PAICS: variants seen among roughly 807,000 people sequenced by gnomAD.
PAICS encodes the protein phosphoribosylaminoimidazole carboxylase and phosphoribosylaminoimidazolesuccinocarboxamide synthase, also known as bifunctional phosphoribosylaminoimidazole carboxylase/phosphoribosylaminoimidazole succinocarboxamide synthetase.
Under a neutral mutation model 53.7 loss-of-function variants are expected in PAICS, and 33 were observed. That is an observed-to-expected ratio of 0.61 (90% confidence interval 0.47 to 0.82). PAICS has a LOEUF of 0.82. Ranked by LOEUF, PAICS falls within the 40% of genes least tolerant of loss-of-function variation. The pLI is 0.00. For missense variants in PAICS, 394 were observed against 494.1 expected (o/e 0.80, Z 1.92); for synonymous variants, 141 against 167.2 (o/e 0.84, Z 1.21).
In PAICS at chr4:56,450,767, A is replaced by C. The variant is rs1718868002; in HGVS notation, c.771+65A>C. On this transcript the variant is annotated intron_variant, in intron 6 of 8. Transcript: ENST00000512576. The stretch of plus-strand genomic sequence containing the variant: ...TTCTTCTAAGAAAATCTTGTTTCAA[A>C]AGAAAAAAAAATGGGAGAGTATAGT... 13 of 839,694 alleles carry C rather than the reference A, an allele frequency of 1.5e-5. No homozygotes were observed. In the South Asian group the frequency reaches 1.8e-4, roughly 12 times the overall value. 52.0% of individuals were successfully genotyped at this position (839,694 alleles called of 1,614,324 possible).
chr4:56,419,805 C>A, the PAICS span: 1 of 984,586 alleles, frequency 1.0e-6, no homozygotes, highest in Non-Finnish European at 1.2e-6. Flanking sequence ...TGCAGCCAAG[C>A]TTCAGAAATT....
At chr4:56,442,727 C>T (rs189380054) in intron 2 of PAICS, among the ~76,000 whole-genome samples, 1 of 152,212 alleles carries the variant, frequency 6.6e-6, no homozygotes, top group East Asian at 1.9e-4. Context: ...CCAATATTCC[C>T]AGTTGCCCTT....
upstream of PAICS, chr4:56,436,093 G>C (rs1717920774): frequency 6.8e-7 from 1 of 1,478,616 alleles, no homozygotes; most frequent in Admixed American, 2.4e-5. Context: ...GCGCCTGCGC[G>C]GCGGGAAGCC....
At chr4:56,452,551 A>G (rs927009886) in intron 7 of PAICS, among the ~76,000 whole-genome samples, 1 of 152,228 alleles carries the variant, frequency 6.6e-6, no homozygotes, top group Non-Finnish European at 1.5e-5. Flanking sequence ...GCAGGGAGAA[A>G]TAATTAAAAA....
intron 8 of PAICS, among the ~76,000 whole-genome samples, chr4:56,458,598 T>C (rs541650490): frequency 1.9e-4 from 29 of 152,354 alleles, no homozygotes; most frequent in African/African-American, 6.5e-4. Flanking sequence ...AATAACGTAT[T>C]AATACAAATT....
chr4:56,419,222 C>T, the PAICS span, among the ~76,000 whole-genome samples: 1 of 152,054 alleles, frequency 6.6e-6, no homozygotes, highest in South Asian at 2.1e-4. Context: ...TATCCTATTT[C>T]AAAACAAATT....
At chr4:56,449,223 C>T (rs1718775181) in intron 5 of PAICS, among the ~76,000 whole-genome samples, 1 of 152,128 alleles carries the variant, frequency 6.6e-6, no homozygotes, top group Admixed American at 6.5e-5. Context: ...ACAACAGACA[C>T]TTCTCAAAAG....
chr4:56,442,103 C>G (rs2110083287), intron 2 of PAICS: 2 of 410,112 alleles, frequency 4.9e-6, no homozygotes, highest in South Asian at 9.1e-5. Flanking sequence ...GGCACATGCA[C>G]TCTCTGTGCA....
rs970297162 is a variant in PAICS, at chr4:56,452,187, C to CT, written c.952+144dup. On this transcript the variant is annotated intron_variant, in intron 7 of 8. Transcript: ENST00000512576. ...AAAAACACATGATATACTAGGCTTT[C>CT]TTTTTTTTTGAGATGGAGTCTCACT... 9.8e-4 allele frequency: 583 copies of CT among 595,564 alleles called. 1 individual carries two copies. Among genetic ancestry groups the CT allele is most frequent in the South Asian group, 1.6e-3 (66 of 40,846 alleles). 36.9% of individuals were successfully genotyped at this position (595,564 alleles called of 1,614,324 possible).
intron 6 of PAICS, chr4:56,451,176 A>G (rs1448449455): frequency 6.5e-6 from 1 of 154,776 alleles, no homozygotes; most frequent in Non-Finnish European, 1.4e-5. Context: ...GGCTATCCTT[A>G]CTAGGATACT....
chr4:56,431,103 TTAAAA>T (rs552118802), upstream of PAICS, among the ~76,000 whole-genome samples: 1,189 of 152,270 alleles, frequency 7.8e-3, 9 homozygotes, highest in Middle Eastern at 0.017. Flanking sequence ...GCAAGGACAC[TTAAAA>T]TAAGTCACTC....
Position 56,448,709 on chromosome 4 carries a change from G to C in PAICS, c.574-1G>C. 1 of 1,567,006 alleles carries C rather than the reference G, an allele frequency of 6.4e-7. No individual in the cohort carries two copies. The highest frequency in any genetic ancestry group is 8.7e-7 in the Non-Finnish European group (1 of 1,146,226). On this transcript the variant is annotated splice_acceptor_variant, in intron 4 of 8. Coordinates refer to ENST00000512576, the MANE Select transcript of PAICS (RefSeq NM_001079524.2). LOFTEE classifies it high-confidence loss of function. ...AAACTTTGTTGACATGCTGTTTCCA[G>C]ATTGAATTTGGTGTTGATGTAACCA... is the stretch of plus-strand genomic sequence containing the variant.
intron 3 of PAICS, among the ~76,000 whole-genome samples, chr4:56,447,573 G>C (rs1332764421): frequency 6.6e-6 from 1 of 152,114 alleles, no homozygotes; most frequent in African/African-American, 2.4e-5. Flanking sequence ...TATGAGAACG[G>C]TGGTTTTGGA....
At chr4:56,436,189 G>A, upstream of PAICS, 1 of 1,514,202 alleles carries the variant, frequency 6.6e-7, no homozygotes, top group Non-Finnish European at 8.9e-7. Flanking sequence ...AGCTCGAAAA[G>A]AGTGGCGCAG....
the PAICS span, among the ~76,000 whole-genome samples, chr4:56,419,034 C>T: frequency 1.3e-5 from 2 of 152,194 alleles, no homozygotes; most frequent in Admixed American, 6.5e-5. Context: ...CTTCCAAGCC[C>T]TCAGCTCATG....
chr4:56,433,819 G>T (rs1028414514), upstream of PAICS, among the ~76,000 whole-genome samples: 2 of 151,714 alleles, frequency 1.3e-5, no homozygotes, highest in Admixed American at 6.6e-5. Flanking sequence ...CTCAGCCTCC[G>T]GAGTAGCTAG....
Position 56,441,712 on chromosome 4 carries a change from C to G in PAICS, c.66C>G (p.Tyr22Ter). ...KLYEGKTKEV[Y>*]ELLDSPGKVL... ...ATGAGGGTAAAACAAAAGAAGTCTA[C>G]GAATTGTTAGACAGTCCAGGAAAAG... The change falls in exon 2 of 9, where the codon TAC becomes TAG. Residue 22 changes from tyrosine (Y) to a stop codon, truncating the protein, a stop_gained. Transcript: ENST00000512576. LOFTEE classifies it high-confidence loss of function. 6.3e-7 allele frequency: 1 copy of G among 1,599,346 alleles called. No individual in the cohort carries two copies. The highest frequency in any genetic ancestry group is 8.5e-7 in the Non-Finnish European group (1 of 1,172,528).
chr4:56,447,659 A>G (rs970441571), intron 3 of PAICS, among the ~76,000 whole-genome samples: 11 of 152,202 alleles, frequency 7.2e-5, no homozygotes, highest in Non-Finnish European at 2.9e-5. Context: ...AACAAAAATC[A>G]CAAACTTAAA....
intron 1 of PAICS, among the ~76,000 whole-genome samples, chr4:56,439,714 G>A (rs1330253319): frequency 2.0e-5 from 3 of 151,768 alleles, no homozygotes; most frequent in African/African-American, 7.3e-5. Context: ...GAGTGAAATA[G>A]TGCAAATCTT....
Sources: allele counts gnomAD v4.1 joint callset (sites outside exome capture counted in the v4.1 genomes callset), GRCh38; gene constraint gnomAD v4.1.1; transcripts MANE v1.5; gene names NCBI Gene and HGNC (gene_info 2026-07-23, HGNC 2026-07-21).